CDH23: variants seen among roughly 807,000 people sequenced by gnomAD.
CDH23 encodes the protein cadherin-23.
Under a neutral mutation model 317.1 loss-of-function variants are expected in CDH23, and 189 were observed. The ratio of observed to expected loss-of-function variants is 0.60; its 90% CI spans 0.53 to 0.67. CDH23 has a LOEUF of 0.67. Among genes scored for constraint, CDH23 ranks in the 30% least tolerant of loss-of-function variants. The pLI, the probability that CDH23 is intolerant of heterozygous loss-of-function variation, is 0.00. For synonymous variants in CDH23, 1,839 were observed against 1,876.8 expected, an observed-to-expected ratio of 0.98 and a Z score of 0.52; for missense variants, 4,401 against 4,592.4, an observed-to-expected ratio of 0.96 and a Z score of 1.20.
chr10:71,763,552 G>A (rs1185405181), intron 38 of CDH23, among the ~76,000 whole-genome samples: 2 of 152,218 alleles, frequency 1.3e-5, no homozygotes, highest in Admixed American at 6.5e-5. Context: ...GCCCAGCCAG[G>A]AGGGAGGCAG....
chr10:71,760,196 TAC>T (rs199901269), intron 38 of CDH23, among the ~76,000 whole-genome samples: 3 of 63,488 alleles, frequency 4.7e-5, no homozygotes, highest in African/African-American at 1.7e-4. Flanking sequence ...TATATGTATA[TAC>T]ATATATATGT....
chr10:71,738,791 G>T, intron 35 of CDH23, 144 bp downstream of exon 35: 1 of 1,131,340 alleles, frequency 8.8e-7, no homozygotes, highest in Non-Finnish European at 1.2e-6. Context: ...CCAGTCTGTG[G>T]TCAGGGAGAA....
chr10:71,650,589 C>T lies in CDH23; in HGVS notation c.1449+3972C>T, dbSNP rs563366076. 8.5e-5 allele frequency among the ~76,000 whole-genome samples: 13 copies of T among 152,232 alleles called. No individual in the cohort carries two copies. The South Asian group carries it at 1.2e-3, about 15-fold the overall frequency. The stretch of plus-strand genomic sequence containing the variant: ...TGTGTGCCTGTGCACGTACATGTTA[C>T]GACTACATGCATTTGGGGATGTGCG... On this transcript the variant is annotated intron_variant, in intron 14 of 69. Transcript: ENST00000224721.
intron 10 of CDH23, among the ~76,000 whole-genome samples, chr10:71,615,990 GT>G (rs1224895961): frequency 1.3e-5 from 2 of 152,208 alleles, no homozygotes; most frequent in African/African-American, 4.8e-5. Flanking sequence ...CATTTCTGGG[GT>G]TCTGTCCCAC....
chr10:71,533,830 C>T (rs1266657677), intron 6 of CDH23, among the ~76,000 whole-genome samples: 3 of 151,992 alleles, frequency 2.0e-5, no homozygotes, highest in African/African-American at 7.3e-5. Flanking sequence ...TATTCTCTCC[C>T]CCAGCCCGCT....
At chr10:71,737,859 T>C (rs1315801424) in intron 34 of CDH23, 5 of 455,676 alleles carry the variant, frequency 1.1e-5, no homozygotes, top group Non-Finnish European at 2.2e-5. Context: ...TTGCGTGCCA[T>C]TTGTTGCATG....
intron 14 of CDH23, among the ~76,000 whole-genome samples, chr10:71,664,828 T>C (rs1863819584): frequency 6.8e-6 from 1 of 147,876 alleles, no homozygotes; most frequent in Non-Finnish European, 1.5e-5. Flanking sequence ...CCCTCCTCCC[T>C]TCTCTCCCCT....
intron 6 of CDH23, among the ~76,000 whole-genome samples, chr10:71,538,695 A>G (rs1855835889): frequency 6.6e-6 from 1 of 152,206 alleles, no homozygotes; most frequent in Non-Finnish European, 1.5e-5. Flanking sequence ...TACAGCGTGC[A>G]ACAAACTCGC....
chr10:71,403,383 CTTTCTTTCTTTCTTT>C (rs1847900434), intron 1 of CDH23, among the ~76,000 whole-genome samples: 1 of 114,958 alleles, frequency 8.7e-6, no homozygotes, highest in Non-Finnish European at 1.7e-5. Context: ...TTCTTTCTTT[CTTTCTTTCTTTCTTT>C]CTTTCTTTCT....
chr10:71,707,576 G>C (rs41281308), intron 26 of CDH23: 1 of 982,736 alleles, frequency 1.0e-6, no homozygotes. Flanking sequence ...GGCTCACAGG[G>C]GAAAGTGAGC....
intron 11 of CDH23, among the ~76,000 whole-genome samples, chr10:71,639,125 GTGGCTGGGCTC>G (rs1399310442): frequency 6.6e-6 from 1 of 152,260 alleles, no homozygotes; most frequent in Non-Finnish European, 1.5e-5. Context: ...GCAGCCTGTA[GTGGCTGGGCTC>G]TGGCTCCGGG....
At chr10:71,539,189 C>T (rs768055411) in intron 6 of CDH23, among the ~76,000 whole-genome samples, 5 of 152,178 alleles carry the variant, frequency 3.3e-5, no homozygotes, top group African/African-American at 4.8e-5. Flanking sequence ...CCATCCACGC[C>T]GTAGCCCCTT....
At chr10:71,590,903 A>AC (rs1564673945) in intron 9 of CDH23, among the ~76,000 whole-genome samples, 6 of 149,182 alleles carry the variant, frequency 4.0e-5, no homozygotes, top group African/African-American at 1.5e-4. Context: ...AAAACAAAAA[A>AC]AAACACCAGT....
At chr10:71,520,149 A>G (rs1179832878) in intron 6 of CDH23, among the ~76,000 whole-genome samples, 1 of 152,178 alleles carries the variant, frequency 6.6e-6, no homozygotes, top group Admixed American at 6.5e-5. Flanking sequence ...TGAGAACTTC[A>G]GGAAAGTTGC....
intron 38 of CDH23, chr10:71,760,615 G>C: frequency 2.1e-6 from 1 of 471,550 alleles, no homozygotes; most frequent in South Asian, 2.8e-5. Context: ...CCTGGCCAAA[G>C]GTCACTGCCA....
intron 28 of CDH23, chr10:71,716,049 G>A (rs376837205): frequency 3.0e-5 from 45 of 1,508,292 alleles, no homozygotes; most frequent in South Asian, 2.8e-4. Context: ...AGGGAGAGGC[G>A]CAAGGAGCCC....
At chr10:71,733,263 G>C (rs1217302112) in intron 32 of CDH23, among the ~76,000 whole-genome samples, 1 of 152,156 alleles carries the variant, frequency 6.6e-6, no homozygotes, top group Non-Finnish European at 1.5e-5. Flanking sequence ...CCAGAGCTTC[G>C]GTGCCCTCCT....
At chr10:71,670,887 C>T (rs939988567) in intron 14 of CDH23, among the ~76,000 whole-genome samples, 2 of 151,326 alleles carry the variant, frequency 1.3e-5, no homozygotes, top group Non-Finnish European at 2.9e-5. Flanking sequence ...TAGATGGCAA[C>T]AGAGACACAG....
At chr10:71,463,219 T>A (rs1851092652) in intron 3 of CDH23, among the ~76,000 whole-genome samples, 3 of 152,082 alleles carry the variant, frequency 2.0e-5, no homozygotes, top group African/African-American at 7.2e-5. Context: ...GGGACCATAT[T>A]GAGAAAGAAG....
Sources: gnomAD v4.1 joint callset for allele counts (sites outside exome capture counted in the v4.1 genomes callset) on GRCh38, gnomAD v4.1.1 for gene constraint, MANE v1.5 for transcripts, NCBI Gene and HGNC (gene_info 2026-07-23, HGNC 2026-07-21) for gene names.